Variants in POMGNT1 observed in about 807,000 individuals in gnomAD.
The protein encoded by POMGNT1 is protein O-linked mannose N-acetylglucosaminyltransferase 1 (beta 1,2-), also known as protein O-linked-mannose beta-1,2-N-acetylglucosaminyltransferase 1.
In POMGNT1, 67 loss-of-function variants were observed where a neutral mutation model predicts 95.6. The ratio of observed to expected loss-of-function variants is 0.70; its 90% CI spans 0.58 to 0.86. POMGNT1 has a LOEUF of 0.86. Among genes scored for constraint, POMGNT1 ranks in the 40% least tolerant of loss-of-function variants. The pLI, the probability that POMGNT1 is intolerant of heterozygous loss-of-function variation, is 0.00. For synonymous variants in POMGNT1, 298 were observed against 317.9 expected, an observed-to-expected ratio of 0.94 and a Z score of 0.66; for missense variants, 719 against 855.2, an observed-to-expected ratio of 0.84 and a Z score of 1.99.
At chr1:46,197,165 G>A in intron 2 of POMGNT1, 81 bp from the exon 3 acceptor site, 2 of 1,609,550 alleles carry the variant, frequency 1.2e-6, no homozygotes, top group Non-Finnish European at 1.7e-6. Flanking sequence ...GGCCCTGGCT[G>A]CAGTGAAGAC....
At chr1:46,193,508 A>C (rs1310840724) in intron 11 of POMGNT1, 56 bp downstream of exon 11, 4 of 1,613,966 alleles carry the variant, frequency 2.5e-6, no homozygotes, top group Non-Finnish European at 3.4e-6. Context: ...CGTCCCTGGC[A>C]ATCACTGCTG....
exon 1 of POMGNT1, chr1:46,219,769 T>C (rs780532487): frequency 2.5e-6 from 4 of 1,613,854 alleles, no homozygotes; most frequent in Non-Finnish European, 3.4e-6. Flanking sequence ...ATCGAGGCAG[T>C]GCGCTGGCTG....
In POMGNT1 at chr1:46,190,097, CT is replaced by C. The variant is rs946195454; in HGVS notation, c.1650-109del. ...GCTCTGCTGTTGCCACCTTGAAGTTCTTTTTTTTTTTTTTTTTTTGAGATGG... is the reference window on the plus strand; with the variant it reads ...GCTCTGCTGTTGCCACCTTGAAGTTCTTTTTTTTTTTTTTTTTTGAGATGG... On this transcript the variant is annotated intron_variant, in intron 19 of 21. Transcript: ENST00000371984. 156,378 of 787,748 alleles carry C rather than the reference CT, an allele frequency of 0.2. 56 individuals are homozygous for C. Among genetic ancestry groups the C allele is most frequent in the East Asian group, 0.24 (7,682 of 32,338 alleles). The allele number at this position is 787,748 out of a possible 1,614,324, so 48.8% of individuals were successfully genotyped here.
Position 46,196,602 on chromosome 1 carries a change from A to G in POMGNT1, c.354+129T>C. On this transcript the variant is annotated intron_variant, in intron 4 of 21. Coordinates refer to ENST00000371984, the MANE Select transcript of POMGNT1 (RefSeq NM_017739.4). This position sits in a 1 kb window ranked among gnomAD's most constrained non-coding sequence, Gnocchi z 4.4. ...GTCCCAGTCTATAGATAAGGAATCG[A>G]GGACTCCAAAGTCACACAGCTAGAA... The G allele has an allele frequency of 4.5e-6, 7 of 1,561,858 alleles. No homozygotes were observed. Among genetic ancestry groups the G allele is most frequent in the Non-Finnish European group, 5.2e-6 (6 of 1,153,106 alleles).
In POMGNT1 at chr1:46,193,218, GGGAGT is replaced by G. The variant is rs761124152; in HGVS notation, c.1111-8_1111-4del. ...GCAGTGAGGCTGGCCTTGTAGTGCT[GGGAGT>G]GGGGTGGGAATAGGGCACATGAGCT... On this transcript the variant is annotated splice_region_variant and splice_polypyrimidine_tract_variant and intron_variant, in intron 12 of 21. Coordinates refer to ENST00000371984, the MANE Select transcript of POMGNT1 (RefSeq NM_017739.4). 1.2e-6 allele frequency: 2 copies of G among 1,614,206 alleles called. No individual in the cohort carries two copies. Among genetic ancestry groups the G allele is most frequent in the South Asian group, 2.2e-5 (2 of 91,080 alleles).
At chr1:46,190,161 C>T (rs937602509) in intron 19 of POMGNT1, 172 bp from the exon 20 acceptor site, 3 of 809,930 alleles carry the variant, frequency 3.7e-6, no homozygotes, top group African/African-American at 3.5e-5. Flanking sequence ...TCTCCTGCCT[C>T]AGCCTCCCAA....
At position 46,190,490 on chromosome 1, in the gene POMGNT1, T is replaced by G. The variant is rs149482430; in HGVS notation, c.1632A>C (p.Glu544Asp). Reference protein sequence around the residue: ...DSLKKEAYEVEVHRLLSEAEV... With the variant: ...DSLKKEAYEVDVHRLLSEAEV... ...GGCCATACCTGAGCAGCCTGTGAACTTCCACTTCATAAGCTTCTTTCTTCA... is the reference window on the plus strand; with the variant it reads ...GGCCATACCTGAGCAGCCTGTGAACGTCCACTTCATAAGCTTCTTTCTTCA... Residue 544 changes from glutamate (E) to aspartate (D), a missense_variant, in exon 19 of 22, where the codon GAA becomes GAC. Transcript: ENST00000371984. 7 of 1,606,646 alleles carry G rather than the reference T, an allele frequency of 4.4e-6. No homozygotes were observed. Among genetic ancestry groups the G allele is most frequent in the Middle Eastern group, 1.6e-4 (1 of 6,064 alleles).
intron 1 of POMGNT1, among the ~76,000 whole-genome samples, chr1:46,218,572 G>A (rs1489229567): frequency 6.6e-6 from 1 of 152,180 alleles, no homozygotes; most frequent in Non-Finnish European, 1.5e-5. Context: ...GGAGGGCGGA[G>A]TTCCCTGCTA....
At chr1:46,208,674 C>T (rs1486667224) in intron 1 of POMGNT1, among the ~76,000 whole-genome samples, 1 of 152,034 alleles carries the variant, frequency 6.6e-6, no homozygotes, top group Non-Finnish European at 1.5e-5. Flanking sequence ...GAAACCCCAT[C>T]TCTACTAAAA....
rs770432543 is a variant in POMGNT1, at chr1:46,197,785, AGGGCTTGATGAGG to A, written c.24_36del (p.Ile10GlyfsTer16). ...CAGCTCCGCTTCTTCCGAGCCCCAA[AGGGCTTGATGAGG>A]GGGCTGGGCTTCCAGTCGTCCATAC... is the stretch of plus-strand genomic sequence containing the variant. On this transcript the variant is annotated frameshift_variant, in exon 2 of 22. Coordinates refer to ENST00000371984, the MANE Select transcript of POMGNT1 (RefSeq NM_017739.4). LOFTEE classifies it high-confidence loss of function. The A allele has an allele frequency of 6.2e-7, 1 of 1,614,136 alleles. No individual in the cohort carries two copies. The highest frequency in any genetic ancestry group is 8.5e-7 in the Non-Finnish European group (1 of 1,180,018).
Position 46,197,094 on chromosome 1 carries a change from G to A in POMGNT1, c.121-10C>T, listed in dbSNP as rs748734868. ...AAAGCACGGCCCCTGTCTGAGGGGA[G>A]GGGTAGGGATGATTAAGAGGAGCAC... On this transcript the variant is annotated splice_polypyrimidine_tract_variant and intron_variant, in intron 2 of 21. Transcript: ENST00000371984. The A allele has an allele frequency of 3.7e-6, 6 of 1,614,120 alleles. No homozygotes were observed. Among genetic ancestry groups the A allele is most frequent in the Non-Finnish European group, 5.1e-6 (6 of 1,180,004 alleles).
At chr1:46,201,096 A>C (rs1301888621), upstream of POMGNT1, among the ~76,000 whole-genome samples, 1 of 151,950 alleles carries the variant, frequency 6.6e-6, no homozygotes, top group Non-Finnish European at 1.5e-5. Context: ...GTGCCACTGC[A>C]CTCCAGCCTG....
intron 1 of POMGNT1, among the ~76,000 whole-genome samples, chr1:46,212,745 TTTTTATTTTA>T (rs923600018): frequency 3.3e-5 from 5 of 151,708 alleles, no homozygotes; most frequent in Non-Finnish European, 4.4e-5. Flanking sequence ...CTTGGCTAAT[TTTTTATTTTA>T]TTTTATTTTA....
In POMGNT1 at chr1:46,213,811, C is replaced by T. The variant is rs145027259; in HGVS notation, c.-51+5894G>A. 1.1e-4 allele frequency among the ~76,000 whole-genome samples: 16 copies of T among 151,626 alleles called. No homozygotes were observed. In the East Asian group the frequency reaches 1.2e-3, roughly 11 times the overall value. ...CCTAGGATACTGACAGCCTTGCTTA[C>T]GTTATACTCTCTAGAGTGGTATAAT... On this transcript the variant is annotated intron_variant, in intron 1 of 22. Transcript: ENST00000371992.
In POMGNT1 at chr1:46,193,366, A is replaced by C. The variant is rs756430617; in HGVS notation, c.1049T>G (p.Leu350Arg). 3 of 1,613,202 alleles carry C rather than the reference A, an allele frequency of 1.9e-6. No individual in the cohort carries two copies. The South Asian group carries it at 3.3e-5, about 18-fold the overall frequency. Residue 350 changes from leucine (L) to arginine (R), a missense_variant, in exon 12 of 22, where the codon CTG becomes CGG. This residue lies in a region of POMGNT1 where 466 missense variants were observed against 517.4 expected (regional missense o/e 0.90). Coordinates refer to ENST00000371984, the MANE Select transcript of POMGNT1 (RefSeq NM_017739.4). The stretch of plus-strand genomic sequence containing the variant: ...ATGCTGGATGCCCCTCAGACCAAAC[A>C]GTGCCACCACATCCATGGGTTCCTG... Reference protein sequence around the residue: ...YYEEPMDVVALFGLRGIQHTP... With the variant: ...YYEEPMDVVARFGLRGIQHTP...
chr1:46,206,868 A>T (rs755407626), intron 1 of POMGNT1, among the ~76,000 whole-genome samples: 1 of 152,200 alleles, frequency 6.6e-6, no homozygotes, highest in African/African-American at 2.4e-5. Context: ...GGGAGCTCAC[A>T]GTCTGGTTAG....
rs751254522 is a variant in POMGNT1 at position 46,193,578 on chromosome 1, C to CA, written c.1011dup (p.Asp338Ter). On this transcript the variant is annotated frameshift_variant, in exon 11 of 22. Coordinates refer to ENST00000371984, the MANE Select transcript of POMGNT1 (RefSeq NM_017739.4). LOFTEE classifies it high-confidence loss of function. ...GTCCTGCTCACCTCATAGTAGCCGT[C>CA]AATGAAAACTGTTATCATCTGAGGA... is the stretch of plus-strand genomic sequence containing the variant. The CA allele has an allele frequency of 5.6e-6, 9 of 1,614,186 alleles. No homozygotes were observed. In the East Asian group the frequency reaches 2.0e-4, roughly 36 times the overall value.
rs1557677939 is a variant in POMGNT1, at chr1:46,196,810, CCT to C, written c.273_274del (p.Gly92GlnfsTer31). On this transcript the variant is annotated frameshift_variant, in exon 4 of 22. Transcript: ENST00000371984. LOFTEE classifies it high-confidence loss of function. The surrounding 1 kb of genome is among the most constrained non-coding windows in gnomAD (Gnocchi z 4.4). ...GTCCAGGACCCGCCGGGGACCACTG[CCT>C]CTGCGCCGTGGGGGCTCCAGGCGGC... 1 of 1,614,224 alleles carries C rather than the reference CCT, an allele frequency of 6.2e-7. No individual in the cohort carries two copies. The highest frequency in any genetic ancestry group is 1.7e-5 in the Admixed American group (1 of 60,036).
intron 20 of POMGNT1, 82 bp from the exon 21 acceptor site, chr1:46,189,649 C>A: frequency 2.6e-6 from 4 of 1,557,504 alleles, no homozygotes; most frequent in Middle Eastern, 1.8e-4. Flanking sequence ...GCCCAGCCCC[C>A]ACCCCTCCTC....
Sources: allele counts gnomAD v4.1 joint callset (sites outside exome capture counted in the v4.1 genomes callset), GRCh38; gene constraint gnomAD v4.1.1; regional missense constraint gnomAD v4.1.1; non-coding constraint Gnocchi (gnomAD v3.1); transcripts MANE v1.5; gene names NCBI Gene and HGNC (gene_info 2026-07-23, HGNC 2026-07-21).